The following DDHD2 variants were observed in gnomAD, a reference collection of about 807,000 sequenced individuals.
DDHD2 encodes DDHD domain containing 2.
In DDHD2, 62 loss-of-function variants were observed where a neutral mutation model predicts 91.2. That is an observed-to-expected ratio of 0.68 (90% CI 0.55 to 0.84). The LOEUF (loss-of-function observed/expected upper bound fraction) is 0.84. Ranked by LOEUF, DDHD2 falls within the 40% of genes least tolerant of loss-of-function variation. DDHD2 has a pLI of 0.00. For synonymous variants in DDHD2, 271 were observed against 293.9 expected (o/e 0.92, Z 0.80); for missense variants, 740 against 846.9 (o/e 0.87, Z 1.57).
At chr8:38,266,400 G>A (rs1046250319), downstream of DDHD2, 3 of 1,208,236 alleles carry the variant, frequency 2.5e-6, no homozygotes, top group Non-Finnish European at 3.5e-6. Flanking sequence ...GCATGAGTAT[G>A]TTTTTATTTA....
chr8:38,231,983 TG>T, intron 1 of DDHD2, 124 bp downstream of exon 1: 1 of 152,932 alleles, frequency 6.5e-6, no homozygotes, highest in Non-Finnish European at 1.5e-5. Flanking sequence ...GCCCCGAGCC[TG>T]GGGGAACCCT....
In DDHD2 at chr8:38,240,645, AT is replaced by A. The variant is rs551340344; in HGVS notation, c.712+284del. The stretch of plus-strand genomic sequence containing the variant: ...GTGGTCCTATTTCTAACTATTTCAA[AT>A]TTACAGGGAACCATAAAGATGATAG... On this transcript the variant is annotated intron_variant, in intron 6 of 17. Transcript: ENST00000397166. Among the ~76,000 whole-genome samples, 631 of 152,334 alleles carry A rather than the reference AT, an allele frequency of 4.1e-3. 5 individuals carry two copies. Among genetic ancestry groups the A allele is most frequent in the African/African-American group, 0.014 (588 of 41,580 alleles).
intron 1 of DDHD2, chr8:38,270,331 G>A (rs1416246988): frequency 2.0e-5 from 3 of 152,142 alleles, no homozygotes; most frequent in African/African-American, 4.8e-5. Flanking sequence ...TAAAGAACAC[G>A]AGAAAATGAA....
Position 38,253,666 on chromosome 8 carries a change from A to C in DDHD2, c.2002A>C (p.Ile668Leu). The C allele has an allele frequency of 6.2e-7, 1 of 1,614,164 alleles. No homozygotes were observed. The change falls in exon 16 of 18, where the codon ATT (isoleucine) becomes CTT (leucine). Residue 668 changes from isoleucine to leucine, a missense_variant. Physicochemically the swap from Ile to Leu is conservative, Grantham distance 5 (BLOSUM62 2). Coordinates refer to ENST00000397166, the MANE Select transcript of DDHD2 (RefSeq NM_015214.3). The part of the protein sequence containing the change: ...RIDYVLQEKP[I>L]ESFNEYLFAL... ...TGACTATGTGCTACAGGAGAAGCCT[A>C]TTGAAAGTTTTAATGAGTATTTATT...
intron 8 of DDHD2, 116 bp downstream of exon 8, chr8:38,246,066 G>T: frequency 8.0e-7 from 1 of 1,250,132 alleles, no homozygotes. Flanking sequence ...GTGGTCTGTG[G>T]TCAGGAAATT....
At position 38,249,920 on chromosome 8, in the gene DDHD2, T is replaced by C. The variant is rs1251844373; in HGVS notation, c.1344+117T>C. 1.6e-5 allele frequency: 10 copies of C among 607,508 alleles called. No homozygotes were observed. The East Asian group carries it at 2.8e-4, about 17-fold the overall frequency. The allele number at this position is 607,508 out of a possible 1,614,324, so 37.6% of individuals were successfully genotyped here. A position where few individuals can be genotyped will look rare whatever the true frequency, so the allele number is the denominator to read the frequency against. ...AAGCAGTTTTTTGGTAATTGATCTTTGGCTCTTTTTTTTTGAGACAGGGTC... is the reference window on the plus strand; with the variant it reads ...AAGCAGTTTTTTGGTAATTGATCTTCGGCTCTTTTTTTTTGAGACAGGGTC... On this transcript the variant is annotated intron_variant, in intron 11 of 17. Coordinates refer to ENST00000397166, the MANE Select transcript of DDHD2 (RefSeq NM_015214.3).
intron 16 of DDHD2, among the ~76,000 whole-genome samples, chr8:38,257,788 C>G (rs1415460926): frequency 6.6e-6 from 1 of 151,418 alleles, no homozygotes. Flanking sequence ...CCTCAGCCTC[C>G]CAAGTAGCCA....
At chr8:38,242,013 C>T (rs1203297514) in intron 6 of DDHD2, 1 of 379,386 alleles carries the variant, frequency 2.6e-6, no homozygotes, top group African/African-American at 2.2e-5. Flanking sequence ...GAGATCTCGC[C>T]ACTGCACCCC....
downstream of DDHD2, chr8:38,262,897 T>TGTAA (rs1807145038): frequency 6.6e-6 from 1 of 152,216 alleles, no homozygotes; most frequent in Non-Finnish European, 1.5e-5. Context: ...AGAACTAATA[T>TGTAA]GTAAGTTCTT....
intron 11 of DDHD2, 143 bp from the exon 12 acceptor site, chr8:38,251,769 A>T: frequency 1.7e-6 from 1 of 594,974 alleles, no homozygotes; most frequent in Admixed American, 3.0e-5. Context: ...TTTTAAATAG[A>T]GACTATGTTG....
intron 3 of DDHD2, among the ~76,000 whole-genome samples, chr8:38,235,873 GCACACACA>G (rs36055483): frequency 0.11 from 16,794 of 147,730 alleles, 1,319 homozygotes; most frequent in East Asian, 0.31. Context: ...AAGTACACGC[GCACACACA>G]CACACACACA....
chr8:38,253,446 AAC>A, intron 15 of DDHD2, 108 bp from the exon 16 acceptor site: 1 of 952,542 alleles, frequency 1.0e-6, no homozygotes. Flanking sequence ...GAGCTCTCTG[AAC>A]AGAGAGTAGC....
intron 5 of DDHD2, 121 bp downstream of exon 5, chr8:38,238,330 T>C: frequency 2.0e-6 from 3 of 1,481,552 alleles, no homozygotes; most frequent in Non-Finnish European, 9.0e-7. Context: ...ATCATATGGG[T>C]TTATTCCAAG....
Position 38,245,765 on chromosome 8 carries a change from C to G in DDHD2, c.872C>G (p.Pro291Arg). The change falls in exon 8 of 18, where the codon CCC becomes CGC. Residue 291 changes from proline (P) to arginine (R), a missense_variant. By Grantham distance (103) the Pro-to-Arg change is moderately radical. Coordinates refer to ENST00000397166, the MANE Select transcript of DDHD2 (RefSeq NM_015214.3). ...AGAGATCTGCAGCGAATAACCCTGCCCAGCATTAACCGCCTCAGGCACTTC... is the reference window on the plus strand; with the variant it reads ...AGAGATCTGCAGCGAATAACCCTGCGCAGCATTAACCGCCTCAGGCACTTC... ...VDVDLQRITLPSINRLRHFTN... is the reference protein window; with the variant it reads ...VDVDLQRITLRSINRLRHFTN... The G allele has an allele frequency of 6.2e-7, 1 of 1,614,114 alleles. No homozygotes were observed. The highest frequency in any genetic ancestry group is 1.1e-5 in the South Asian group (1 of 91,090).
intron 1 of DDHD2, among the ~76,000 whole-genome samples, chr8:38,232,475 T>G (rs549452548): frequency 3.9e-5 from 6 of 152,386 alleles, no homozygotes; most frequent in African/African-American, 1.4e-4. Context: ...ATTAAGCGAC[T>G]TCAAGGATCC....
rs36055483 is a variant in DDHD2, at chr8:38,235,873, GCA to G, written c.411+1316_411+1317del. Among the ~76,000 whole-genome samples, 507 of 147,770 alleles carry G rather than the reference GCA, an allele frequency of 3.4e-3. 2 individuals are homozygous for G. Among genetic ancestry groups the G allele is most frequent in the East Asian group, 8.6e-3 (43 of 5,020 alleles). On this transcript the variant is annotated intron_variant, in intron 3 of 17. Coordinates refer to ENST00000397166, the MANE Select transcript of DDHD2 (RefSeq NM_015214.3). ...CACCACTACAAAAAAAAGTACACGC[GCA>G]CACACACACACACACACACACACAC...
intron 3 of DDHD2, 136 bp downstream of exon 3, chr8:38,234,720 G>C: frequency 1.5e-6 from 1 of 659,948 alleles, no homozygotes; most frequent in Non-Finnish European, 2.4e-6. Context: ...ACATAATAAA[G>C]CATTTCTATT....
intron 3 of DDHD2, among the ~76,000 whole-genome samples, chr8:38,235,081 G>A (rs979064634): frequency 3.9e-5 from 6 of 152,100 alleles, no homozygotes; most frequent in African/African-American, 1.4e-4. Flanking sequence ...ATTCCATTTT[G>A]TTTGGTGTTT....
intron 6 of DDHD2, chr8:38,241,953 CT>C (rs1302883608): frequency 8.3e-6 from 2 of 239,764 alleles, no homozygotes; most frequent in African/African-American, 4.6e-5. Flanking sequence ...CCTCAAGAGG[CT>C]GAGGCAGGAG....
Sources: gnomAD v4.1 joint callset for allele counts (sites outside exome capture counted in the v4.1 genomes callset) on GRCh38, gnomAD v4.1.1 for gene constraint, MANE v1.5 for transcripts, NCBI Gene and HGNC (gene_info 2026-07-23, HGNC 2026-07-21) for gene names.